The following ZSWIM5 variants were observed in gnomAD, a reference collection of about 807,000 sequenced individuals.
The protein encoded by ZSWIM5 is zinc finger SWIM-type containing 5, also known as zinc finger SWIM domain-containing protein 5.
In ZSWIM5, 55 loss-of-function variants were observed where a neutral mutation model predicts 119.6. The observed-to-expected ratio is 0.46, with a 90% CI of 0.37 to 0.58. The LOEUF (loss-of-function observed/expected upper bound fraction) is 0.58, where lower values mean the gene tolerates loss of function less well. Ranked by LOEUF, ZSWIM5 falls within the 20% of genes least tolerant of loss-of-function variation. The probability of loss-of-function intolerance (pLI) is 0.00; values close to 1 mark genes in which losing one functional copy is unlikely to be tolerated. For missense variants in ZSWIM5, 1,193 were observed against 1,512.8 expected (o/e 0.79, Z 3.51); for synonymous variants, 537 against 606.9 (o/e 0.88, Z 1.69).
rs376116179 is a variant in ZSWIM5, at chr1:45,020,008, C to G, written c.2695+58G>C. 3.9e-4 allele frequency: 566 copies of G among 1,459,078 alleles called. 2 individuals carry two copies. In the African/African-American group the frequency reaches 7.2e-3, roughly 18 times the overall value. The allele number at this position is 1,459,078 out of a possible 1,614,324, so 90.4% of individuals were successfully genotyped here. A position where few individuals can be genotyped will look rare whatever the true frequency, so the allele number is the denominator to read the frequency against. On this transcript the variant is annotated intron_variant, in intron 13 of 13. Transcript: ENST00000359600. ...GCTCTAAGGATTGATTGTCCTGTCCCAAGAGTAGGGCCTAGAAACTCCTTT... is the reference window on the plus strand; with the variant it reads ...GCTCTAAGGATTGATTGTCCTGTCCGAAGAGTAGGGCCTAGAAACTCCTTT...
chr1:45,149,885 T>C (rs953473393), intron 1 of ZSWIM5, among the ~76,000 whole-genome samples: 1 of 152,194 alleles, frequency 6.6e-6, no homozygotes, highest in East Asian at 1.9e-4. Flanking sequence ...AGAAGGAACA[T>C]ATACTCTGGG....
chr1:45,018,624 T>C lies in ZSWIM5; in HGVS notation c.3388A>G (p.Ile1130Val), dbSNP rs1644869438. 6.2e-7 allele frequency: 1 copy of C among 1,614,182 alleles called. No homozygotes were observed. The highest frequency in any genetic ancestry group is 8.5e-7 in the Non-Finnish European group (1 of 1,180,028). The change falls in exon 14 of 14, where the codon ATC becomes GTC. Residue 1130 changes from isoleucine to valine, a missense_variant. Coordinates refer to ENST00000359600, the MANE Select transcript of ZSWIM5 (RefSeq NM_020883.2). This position sits in a 1 kb window ranked among gnomAD's most constrained non-coding sequence, Gnocchi z 6.7. Reference protein sequence around the residue: ...INTTHSRLTHISPRHYGEFIE... With the variant: ...INTTHSRLTHVSPRHYGEFIE... Reference sequence around the variant, plus strand: ...AACTCTCCATAGTGGCGAGGGCTGATGTGTGTTAGGCGTGAGTGTGTAGTG... The same window carrying C: ...AACTCTCCATAGTGGCGAGGGCTGACGTGTGTTAGGCGTGAGTGTGTAGTG...
Position 45,205,966 on chromosome 1 carries a change from CGCCGCCAGCAGCGCCGGCGCCGGG to C in ZSWIM5, c.361_384del (p.Pro121_Gly128del), listed in dbSNP as rs904716481. 2.2e-6 allele frequency: 3 copies of C among 1,356,824 alleles called. No individual in the cohort carries two copies. Among genetic ancestry groups the C allele is most frequent in the South Asian group, 2.0e-5 (1 of 50,608 alleles). The allele number at this position is 1,356,824 out of a possible 1,614,324, so 84.0% of individuals were successfully genotyped here. A position where few individuals can be genotyped will look rare whatever the true frequency, so the allele number is the denominator to read the frequency against. ...TCCTCGGCCGGCGAAGCCCCCGCGG[CGCCGCCAGCAGCGCCGGCGCCGGG>C]GCCGCCCCGGTACTGGAAGCTGGAG... On this transcript the variant is annotated inframe_deletion, in exon 1 of 14. Coordinates refer to ENST00000359600, the MANE Select transcript of ZSWIM5 (RefSeq NM_020883.2).
chr1:45,063,601 T>A (rs2149001760), intron 2 of ZSWIM5, among the ~76,000 whole-genome samples: 1 of 152,246 alleles, frequency 6.6e-6, no homozygotes, highest in East Asian at 1.9e-4. Context: ...TATGACATTC[T>A]TTTCCTCCTC....
chr1:45,052,717 G>A (rs1330426982), intron 4 of ZSWIM5, among the ~76,000 whole-genome samples: 5 of 147,742 alleles, frequency 3.4e-5, no homozygotes, highest in Non-Finnish European at 6.0e-5. Context: ...AAGTTACAGT[G>A]AGCCGAGATC....
intron 1 of ZSWIM5, among the ~76,000 whole-genome samples, chr1:45,105,984 AATGGGAAGTGAGGAGCGCCTCTGCC>A (rs1645472640): frequency 1.3e-5 from 1 of 75,992 alleles, no homozygotes; most frequent in African/African-American, 5.4e-5. Flanking sequence ...GGTTGCCCCG[AATGGGAAGTGAGGAGCGCCTCTGCC>A]CGGCCGCCCC....
At chr1:45,139,843 C>CA (rs1406026553) in intron 1 of ZSWIM5, among the ~76,000 whole-genome samples, 4 of 150,976 alleles carry the variant, frequency 2.6e-5, no homozygotes, top group Admixed American at 2.0e-4. Context: ...CCAGCAACAG[C>CA]AAAAATTTTA....
At chr1:45,118,127 T>C (rs981578285) in intron 1 of ZSWIM5, among the ~76,000 whole-genome samples, 2 of 151,860 alleles carry the variant, frequency 1.3e-5, no homozygotes, top group African/African-American at 4.8e-5. Context: ...TTGTTGTAAA[T>C]CTATAACTAC....
chr1:45,033,330 C>T (rs1471257301), intron 11 of ZSWIM5, among the ~76,000 whole-genome samples: 1 of 151,918 alleles, frequency 6.6e-6, no homozygotes, highest in Admixed American at 6.6e-5. Context: ...TAACTTTTAC[C>T]TTTTCTCTAA....
intron 1 of ZSWIM5, among the ~76,000 whole-genome samples, chr1:45,195,067 T>TAGA (rs1646113992): frequency 1.3e-5 from 2 of 152,194 alleles, no homozygotes; most frequent in African/African-American, 4.8e-5. Flanking sequence ...TCTTCTATTA[T>TAGA]TACAGAACAT....
At chr1:45,043,143 C>A (rs778121383) in intron 6 of ZSWIM5, 76 bp downstream of exon 6, 2 of 1,413,226 alleles carry the variant, frequency 1.4e-6, no homozygotes, top group East Asian at 4.6e-5. Context: ...GTTGCAGGTA[C>A]GTATGAAGAT....
chr1:45,059,718 A>G (rs997818342), intron 3 of ZSWIM5, among the ~76,000 whole-genome samples: 10 of 152,228 alleles, frequency 6.6e-5, no homozygotes, highest in African/African-American at 2.4e-4. Context: ...AAAGAAAAGA[A>G]AAACAGCCTG....
chr1:45,152,851 C>A (rs1327015577), intron 1 of ZSWIM5, among the ~76,000 whole-genome samples: 1 of 151,776 alleles, frequency 6.6e-6, no homozygotes, highest in Admixed American at 6.6e-5. Context: ...TCTCAATCTA[C>A]GCATCTGACA....
intron 1 of ZSWIM5, among the ~76,000 whole-genome samples, chr1:45,131,724 C>CAAAAAA (rs11336099): frequency 4.0e-5 from 3 of 74,182 alleles, no homozygotes; most frequent in Non-Finnish European, 5.5e-5. Flanking sequence ...GACTCTGTCT[C>CAAAAAA]AAAAAAAAAA....
chr1:45,091,591 G>C (rs937316192), intron 1 of ZSWIM5, among the ~76,000 whole-genome samples: 4 of 152,094 alleles, frequency 2.6e-5, no homozygotes, highest in Non-Finnish European at 2.9e-5. Context: ...GAGCCCAGGA[G>C]GTTGAGGCTG....
At chr1:45,047,886 A>T (rs1645064701) in intron 5 of ZSWIM5, among the ~76,000 whole-genome samples, 1 of 152,108 alleles carries the variant, frequency 6.6e-6, no homozygotes, top group African/African-American at 2.4e-5. Flanking sequence ...AGTACAGAAA[A>T]TTTTAGGAAA....
At chr1:45,150,973 G>C (rs1645793705) in intron 1 of ZSWIM5, among the ~76,000 whole-genome samples, 1 of 152,086 alleles carries the variant, frequency 6.6e-6, no homozygotes, top group South Asian at 2.1e-4. Context: ...TCTTCCCCTT[G>C]CTCAACATTC....
intron 1 of ZSWIM5, among the ~76,000 whole-genome samples, chr1:45,168,413 T>C (rs1277245188): frequency 6.6e-6 from 1 of 151,884 alleles, no homozygotes; most frequent in Non-Finnish European, 1.5e-5. Flanking sequence ...CACACCAACA[T>C]GGCACATGTA....
At chr1:45,108,355 G>T (rs985272230) in intron 1 of ZSWIM5, among the ~76,000 whole-genome samples, 2 of 152,102 alleles carry the variant, frequency 1.3e-5, no homozygotes, top group African/African-American at 4.8e-5. Flanking sequence ...GGGAGGGGAA[G>T]AATAAAAAGT....
Sources: allele counts gnomAD v4.1 joint callset (sites outside exome capture counted in the v4.1 genomes callset), GRCh38; gene constraint gnomAD v4.1.1; non-coding constraint Gnocchi (gnomAD v3.1); transcripts MANE v1.5; gene names NCBI Gene and HGNC (gene_info 2026-07-23, HGNC 2026-07-21).